ABCA13: variants seen among roughly 807,000 people sequenced by gnomAD.
ABCA13 encodes ATP binding cassette subfamily A member 13.
In ABCA13, 476 loss-of-function variants were observed where a neutral mutation model predicts 478.7. The observed-to-expected ratio is 0.99, with a 90% CI of 0.92 to 1.07. The LOEUF (loss-of-function observed/expected upper bound fraction) is 1.07. Ranked by LOEUF, ABCA13 falls within the 50% of genes least tolerant of loss-of-function variation. ABCA13 has a pLI of 0.00. For synonymous variants in ABCA13, 2,252 were observed against 2,158.9 expected (o/e 1.04, Z -1.20); for missense variants, 6,060 against 5,910.6 (o/e 1.03, Z -0.83).
At chr7:48,379,084 G>A (rs970648220) in intron 35 of ABCA13, among the ~76,000 whole-genome samples, 6 of 152,068 alleles carry the variant, frequency 3.9e-5, no homozygotes, top group Non-Finnish European at 5.9e-5. Flanking sequence ...ATCAAAGCTC[G>A]CACATATTTA....
intron 47 of ABCA13, among the ~76,000 whole-genome samples, chr7:48,483,525 G>A (rs528789454): frequency 6.6e-6 from 1 of 152,240 alleles, no homozygotes; most frequent in Admixed American, 6.5e-5. Flanking sequence ...TCTTCCAGAA[G>A]GCTGGATAGA....
In ABCA13 at chr7:48,288,960, T is replaced by C. The variant is rs1219070431; in HGVS notation, c.8955+882T>C. On this transcript the variant is annotated intron_variant, in intron 20 of 61. Coordinates refer to ENST00000435803, the MANE Select transcript of ABCA13 (RefSeq NM_152701.5). ...CTTCCAACAATGCAGTGAAGACCTGTCTCTCTTCTAGTTCTGGTTCTGAAT... is the reference window on the plus strand; with the variant it reads ...CTTCCAACAATGCAGTGAAGACCTGCCTCTCTTCTAGTTCTGGTTCTGAAT... 3.9e-5 allele frequency among the ~76,000 whole-genome samples: 6 copies of C among 152,190 alleles called. No individual in the cohort carries two copies. In the East Asian group the frequency reaches 1.2e-3, roughly 29 times the overall value.
intron 35 of ABCA13, among the ~76,000 whole-genome samples, chr7:48,384,988 T>C (rs1432495835): frequency 6.6e-6 from 1 of 152,138 alleles, no homozygotes; most frequent in Non-Finnish European, 1.5e-5. Context: ...ATTACCTCTT[T>C]GAAGACCGTG....
At chr7:48,598,370 T>C (rs1201967332) in intron 58 of ABCA13, among the ~76,000 whole-genome samples, 2 of 152,212 alleles carry the variant, frequency 1.3e-5, no homozygotes, top group Non-Finnish European at 2.9e-5. Context: ...TTTGACAATT[T>C]TGAATAAAGC....
At chr7:48,607,487 C>T (rs184062003) in intron 58 of ABCA13, among the ~76,000 whole-genome samples, 5 of 152,278 alleles carry the variant, frequency 3.3e-5, no homozygotes, top group Non-Finnish European at 4.4e-5. Flanking sequence ...TGTTCCTATT[C>T]GGCCATCTTG....
At position 48,403,789 on chromosome 7, in the gene ABCA13, TCGAGGACCGTGGTTCTGGATGAGC is replaced by T. The variant is rs1410899449; in HGVS notation, c.11982_12005del (p.Arg3995_Pro4002del). On this transcript the variant is annotated inframe_deletion, in exon 39 of 62. Transcript: ENST00000435803. The stretch of plus-strand genomic sequence containing the variant: ...CCTTGGCATTGCTTTCATGGGCATG[TCGAGGACCGTGGTTCTGGATGAGC>T]CCACCAGTGGGGTGGACCCTTGCTC... 6.2e-7 allele frequency: 1 copy of T among 1,613,978 alleles called. No individual in the cohort carries two copies. Among genetic ancestry groups the T allele is most frequent in the South Asian group, 1.1e-5 (1 of 91,068 alleles).
intron 29 of ABCA13, among the ~76,000 whole-genome samples, chr7:48,348,959 A>T (rs992778647): frequency 6.6e-6 from 1 of 152,248 alleles, no homozygotes; most frequent in Non-Finnish European, 1.5e-5. Context: ...GTGTATTTGT[A>T]AGAAGGTGGA....
Position 48,410,579 on chromosome 7 carries a change from G to A in ABCA13, c.12130G>A (p.Val4044Met), listed in dbSNP as rs199950586. 1.5e-5 allele frequency: 25 copies of A among 1,613,882 alleles called. No individual in the cohort carries two copies. In the South Asian group the frequency reaches 1.9e-4, roughly 12 times the overall value. Residue 4044 changes from valine (V) to methionine (M), a missense_variant, in exon 40 of 62, where the codon GTG (valine) becomes ATG (methionine). Around this residue, in one of 3 missense-constraint regions of ABCA13, gnomAD observed 1,627 missense variants for 1,571.0 expected, o/e 1.04. Transcript: ENST00000435803. ...LDEAEALSDR[V>M]AVLQHGRLRC... ...TGAAGCTGAAGCGCTGAGTGACCGC[G>A]TGGCCGTCCTCCAGCATGGGAGGCT...
rs1375306776 is a variant in ABCA13 at position 48,614,358 on chromosome 7, T to C, written c.14745-927T>C. 2.6e-5 allele frequency among the ~76,000 whole-genome samples: 4 copies of C among 151,438 alleles called. 1 individual carries two copies. Among genetic ancestry groups the C allele is most frequent in the Admixed American group, 6.7e-5 (1 of 15,020 alleles). On this transcript the variant is annotated intron_variant, in intron 58 of 61. Coordinates refer to ENST00000435803, the MANE Select transcript of ABCA13 (RefSeq NM_152701.5). The stretch of plus-strand genomic sequence containing the variant: ...AAGAAAATACTGATTTTTGTTAGAA[T>C]GGCAATCATTAAAAAGTCAGGAAAC...
chr7:48,225,156 C>T (rs868755621), intron 5 of ABCA13, among the ~76,000 whole-genome samples: 2 of 145,016 alleles, frequency 1.4e-5, no homozygotes, highest in African/African-American at 5.2e-5. Context: ...TTCCTTCCTT[C>T]CTTCCTTCCT....
rs1794065058 is a variant in ABCA13 at position 48,171,532 on chromosome 7, C to T, written c.49C>T (p.Leu17Phe). The T allele has an allele frequency of 4.6e-6, 7 of 1,536,404 alleles. No individual in the cohort carries two copies. Among genetic ancestry groups the T allele is most frequent in the Non-Finnish European group, 5.2e-6 (6 of 1,146,912 alleles). The change falls in exon 1 of 62, where the codon CTC becomes TTC. Residue 17 changes from leucine to phenylalanine, a missense_variant. Physicochemically the swap from Leu to Phe is conservative, Grantham distance 22. This residue lies in a region of ABCA13 where 4,423 missense variants were observed against 4,309.1 expected (regional missense o/e 1.03). Transcript: ENST00000435803. The stretch of plus-strand genomic sequence containing the variant: ...CAAAGCCCTGCTGTGGAAGAATTGG[C>T]TCTGCAGACTCAGGAACCCGGTGAG... ...QFKALLWKNW[L>F]CRLRNPVLFL...
At chr7:48,318,153 G>T (rs1384567203) in intron 27 of ABCA13, among the ~76,000 whole-genome samples, 1 of 152,088 alleles carries the variant, frequency 6.6e-6, no homozygotes, top group Non-Finnish European at 1.5e-5. Context: ...CATATGAGCA[G>T]TTAAGTCATT....
At chr7:48,557,261 A>T (rs1785931221) in intron 55 of ABCA13, among the ~76,000 whole-genome samples, 1 of 151,724 alleles carries the variant, frequency 6.6e-6, no homozygotes, top group Non-Finnish European at 1.5e-5. Flanking sequence ...AATATTCTGT[A>T]TTTTTCTGTG....
intron 58 of ABCA13, among the ~76,000 whole-genome samples, chr7:48,614,444 A>C (rs1792340992): frequency 6.6e-6 from 1 of 151,312 alleles, no homozygotes; most frequent in Non-Finnish European, 1.5e-5. Context: ...GTGGGACTGT[A>C]AACTAGTTCA....
intron 41 of ABCA13, among the ~76,000 whole-genome samples, chr7:48,419,920 G>A (rs746105404): frequency 3.3e-5 from 5 of 152,220 alleles, no homozygotes; most frequent in African/African-American, 9.6e-5. Context: ...ATTTAGAGCC[G>A]TTTGAGAAAG....
intron 1 of ABCA13, among the ~76,000 whole-genome samples, chr7:48,173,627 T>C (rs1293092459): frequency 1.3e-5 from 2 of 152,200 alleles, no homozygotes; most frequent in Non-Finnish European, 1.5e-5. Flanking sequence ...TTGTACAAGG[T>C]TGTTCATTAT....
intron 45 of ABCA13, among the ~76,000 whole-genome samples, chr7:48,474,311 G>T (rs934957058): frequency 6.6e-6 from 1 of 152,124 alleles, no homozygotes; most frequent in African/African-American, 2.4e-5. Flanking sequence ...GGGAAATGTG[G>T]ATAATTCTTT....
rs376161019 is a variant in ABCA13, at chr7:48,294,603, C to T, written c.8956-1097C>T. On this transcript the variant is annotated intron_variant, in intron 20 of 61. Coordinates refer to ENST00000435803, the MANE Select transcript of ABCA13 (RefSeq NM_152701.5). ...CTGGGACTACAGGCGCCCGCCACCG[C>T]GCCCGGCTAATTTTTTGTATTTTTA... Among the ~76,000 whole-genome samples, 21 of 151,528 alleles carry T rather than the reference C, an allele frequency of 1.4e-4. No individual in the cohort carries two copies. In the East Asian group the frequency reaches 2.5e-3, roughly 18 times the overall value.
intron 3 of ABCA13, among the ~76,000 whole-genome samples, chr7:48,199,374 GT>G (rs1287710171): frequency 2.6e-5 from 4 of 152,156 alleles, no homozygotes; most frequent in African/African-American, 9.7e-5. Context: ...AGCTGATCTG[GT>G]ATCTGGTGAG....
Sources: gnomAD v4.1 joint callset for allele counts (sites outside exome capture counted in the v4.1 genomes callset) on GRCh38, gnomAD v4.1.1 for gene constraint, gnomAD v4.1.1 regional missense constraint, MANE v1.5 for transcripts, NCBI Gene and HGNC (gene_info 2026-07-23, HGNC 2026-07-21) for gene names.